NELL1: variants seen among roughly 807,000 people sequenced by gnomAD.
The protein encoded by NELL1 is protein kinase C-binding protein NELL1.
A neutral mutation model predicts 107.4 loss-of-function variants in NELL1; 76 were observed. The ratio of observed to expected loss-of-function variants is 0.71; its 90% confidence interval spans 0.59 to 0.86. The LOEUF is 0.86. Among genes scored for constraint, NELL1 ranks in the 40% least tolerant of loss-of-function variants. The pLI is 0.00. For synonymous variants in NELL1, 353 were observed against 341.2 expected (o/e 1.03, Z -0.38); for missense variants, 1,024 against 1,005.5 (o/e 1.02, Z -0.25).
chr11:20,846,771 G>T (rs1848708472), intron 3 of NELL1, among the ~76,000 whole-genome samples: 1 of 152,160 alleles, frequency 6.6e-6, no homozygotes, highest in African/African-American at 2.4e-5. Flanking sequence ...AGTGAGATCA[G>T]GCCCAACGTT....
intron 12 of NELL1, among the ~76,000 whole-genome samples, chr11:20,987,059 A>G (rs1851868238): frequency 6.6e-6 from 1 of 152,230 alleles, no homozygotes; most frequent in Non-Finnish European, 1.5e-5. Context: ...CACCCCTGGC[A>G]TATGGGAGCC....
chr11:20,853,786 C>A (rs139990735), intron 4 of NELL1, among the ~76,000 whole-genome samples: 7 of 152,244 alleles, frequency 4.6e-5, no homozygotes, highest in African/African-American at 1.7e-4. Flanking sequence ...CTTTCCAGAT[C>A]CTAAGCAAGG....
chr11:21,373,258 A>G (rs1851397003), intron 15 of NELL1, among the ~76,000 whole-genome samples: 1 of 152,014 alleles, frequency 6.6e-6, no homozygotes, highest in African/African-American at 2.4e-5. Flanking sequence ...TATAGGCTAA[A>G]CACTGAAAAT....
chr11:20,947,294 A>C (rs1250157204), intron 10 of NELL1, 42 bp from the exon 11 acceptor site: 3 of 1,376,936 alleles, frequency 2.2e-6, no homozygotes, highest in Non-Finnish European at 3.1e-6. Context: ...CATTGACTAA[A>C]AATGTGAACA....
At chr11:21,204,226 C>G (rs1483085602) in intron 13 of NELL1, among the ~76,000 whole-genome samples, 1 of 152,128 alleles carries the variant, frequency 6.6e-6, no homozygotes, top group Non-Finnish European at 1.5e-5. Context: ...GTTCCATTCC[C>G]CTGTCACTTT....
chr11:21,264,992 A>C (rs1441126294), intron 14 of NELL1, among the ~76,000 whole-genome samples: 2 of 151,990 alleles, frequency 1.3e-5, no homozygotes, highest in Non-Finnish European at 1.5e-5. Context: ...GTGGCATAGT[A>C]AAGGCCTTAG....
intron 3 of NELL1, among the ~76,000 whole-genome samples, chr11:20,792,542 CTA>C (rs1857095583): frequency 6.6e-6 from 1 of 151,594 alleles, no homozygotes; most frequent in Non-Finnish European, 1.5e-5. Flanking sequence ...AATTTTATTC[CTA>C]TTTTACTGAA....
At chr11:21,495,323 G>A (rs1207866423) in intron 15 of NELL1, among the ~76,000 whole-genome samples, 1 of 152,034 alleles carries the variant, frequency 6.6e-6, no homozygotes, top group Non-Finnish European at 1.5e-5. Context: ...TCATGTTATA[G>A]CATGTATCAG....
At chr11:21,561,666 ATATT>A (rs1856853155) in intron 17 of NELL1, among the ~76,000 whole-genome samples, 1 of 151,994 alleles carries the variant, frequency 6.6e-6, no homozygotes, top group African/African-American at 2.4e-5. Context: ...CTCTACGATG[ATATT>A]TATTGGTATA....
At position 21,474,784 on chromosome 11, in the gene NELL1, A is replaced by G. The variant is rs147036384; in HGVS notation, c.1646-59590A>G. 2.9e-3 allele frequency among the ~76,000 whole-genome samples: 449 copies of G among 152,248 alleles called. 2 individuals carry two copies. The highest frequency in any genetic ancestry group is 0.01 in the African/African-American group (424 of 41,564). On this transcript the variant is annotated intron_variant, in intron 15 of 19. Coordinates refer to ENST00000357134, the MANE Select transcript of NELL1 (RefSeq NM_006157.5). ...TCAGTAAAACCTAATCTGTGTTGTC[A>G]TCTTCTGTAGACTAATTGCAGGGAG...
chr11:21,140,677 A>G (rs1855846031), intron 13 of NELL1, among the ~76,000 whole-genome samples: 1 of 152,200 alleles, frequency 6.6e-6, no homozygotes, highest in Non-Finnish European at 1.5e-5. Flanking sequence ...GTCATATCAT[A>G]AAAAAGAGAA....
chr11:20,689,938 C>G (rs1340882509), intron 2 of NELL1, among the ~76,000 whole-genome samples: 5 of 151,206 alleles, frequency 3.3e-5, no homozygotes, highest in Admixed American at 6.6e-5. Context: ...CACATCCTCT[C>G]CAGCACCTGT....
At chr11:21,117,287 T>G (rs926110021) in intron 13 of NELL1, among the ~76,000 whole-genome samples, 1 of 152,172 alleles carries the variant, frequency 6.6e-6, no homozygotes, top group South Asian at 2.1e-4. Flanking sequence ...TCTGGAATTT[T>G]CTTATGTATA....
chr11:20,893,797 A>G (rs1367688944), intron 5 of NELL1, among the ~76,000 whole-genome samples: 1 of 149,194 alleles, frequency 6.7e-6, no homozygotes. Context: ...CCTGTTGTAT[A>G]TTGCTTACAG....
chr11:21,406,704 T>C (rs1357788759), intron 15 of NELL1, among the ~76,000 whole-genome samples: 1 of 152,050 alleles, frequency 6.6e-6, no homozygotes, highest in Non-Finnish European at 1.5e-5. Flanking sequence ...TTTATTTTTA[T>C]TGATACATAA....
intron 2 of NELL1, among the ~76,000 whole-genome samples, chr11:20,781,065 G>T (rs1856840803): frequency 6.6e-6 from 1 of 152,154 alleles, no homozygotes; most frequent in Non-Finnish European, 1.5e-5. Context: ...TGAAAAGAAG[G>T]CAGTATGGAA....
In NELL1 at chr11:20,978,417, A is replaced by G. The variant is rs1301883906; in HGVS notation, c.1300+17857A>G. Among the ~76,000 whole-genome samples the G allele has an allele frequency of 4.0e-5, 6 of 150,526 alleles. No individual in the cohort carries two copies. In the Admixed American group the frequency reaches 4.0e-4, roughly 10 times the overall value. On this transcript the variant is annotated intron_variant, in intron 12 of 19. Transcript: ENST00000357134. ...GACATGCCTTCAATCCTAATCCAATATTATATTTGTCTTCATGAAAAAAAA... is the reference window on the plus strand; with the variant it reads ...GACATGCCTTCAATCCTAATCCAATGTTATATTTGTCTTCATGAAAAAAAA...
At chr11:20,847,398 C>G (rs7129616) in intron 3 of NELL1, among the ~76,000 whole-genome samples, 185 bp from the exon 4 acceptor site, 18,936 of 152,106 alleles carry the variant, frequency 0.12, 1,366 homozygotes, top group African/African-American at 0.18. Context: ...GATGTTGCCA[C>G]GAGGGTTCTC....
At chr11:21,244,994 A>G (rs548249759) in intron 14 of NELL1, among the ~76,000 whole-genome samples, 1 of 152,248 alleles carries the variant, frequency 6.6e-6, no homozygotes, top group East Asian at 1.9e-4. Context: ...TGGCATATAA[A>G]TTGTTGCCAT....
Sources: allele counts gnomAD v4.1 joint callset (sites outside exome capture counted in the v4.1 genomes callset), GRCh38; gene constraint gnomAD v4.1.1; transcripts MANE v1.5; gene names NCBI Gene and HGNC (gene_info 2026-07-23, HGNC 2026-07-21).